Variants in RSBN1L observed in about 807,000 individuals in gnomAD.
The protein encoded by RSBN1L is lysine-specific demethylase RSBN1L.
Under a neutral mutation model 67.7 loss-of-function variants are expected in RSBN1L, and 30 were observed. The observed-to-expected ratio is 0.44, with a 90% confidence interval of 0.33 to 0.60. The LOEUF (loss-of-function observed/expected upper bound fraction) is 0.60. RSBN1L is among the 20% of genes least tolerant of loss of function. The pLI is 0.02. For synonymous variants in RSBN1L, 433 were observed against 387.0 expected, an observed-to-expected ratio of 1.12 and a Z score of -1.39; for missense variants, 992 against 1,031.7, an observed-to-expected ratio of 0.96 and a Z score of 0.53.
At chr7:77,709,505 G>A (rs1365059480) in intron 1 of RSBN1L, among the ~76,000 whole-genome samples, 1 of 152,044 alleles carries the variant, frequency 6.6e-6, no homozygotes, top group African/African-American at 2.4e-5. Flanking sequence ...GGCCAGGCTG[G>A]TCTCAAACTC....
At chr7:77,756,998 C>G (rs374440915) in intron 3 of RSBN1L, among the ~76,000 whole-genome samples, 1 of 152,176 alleles carries the variant, frequency 6.6e-6, no homozygotes, top group Admixed American at 6.5e-5. Flanking sequence ...GAACCCAAAC[C>G]AAGTTCATGA....
chr7:77,731,481 C>T (rs1032053297), intron 1 of RSBN1L, among the ~76,000 whole-genome samples: 13 of 152,198 alleles, frequency 8.5e-5, no homozygotes, highest in Non-Finnish European at 1.6e-4. Flanking sequence ...AGCAGTCCGC[C>T]TGCCTCAGCC....
At chr7:77,719,456 A>C (rs1201852532) in intron 1 of RSBN1L, among the ~76,000 whole-genome samples, 1 of 152,236 alleles carries the variant, frequency 6.6e-6, no homozygotes, top group East Asian at 1.9e-4. Flanking sequence ...ATGTAATTGT[A>C]TAATGTGGAC....
At chr7:77,736,648 A>G (rs1390407790) in intron 2 of RSBN1L, 122 bp downstream of exon 2, 2 of 437,988 alleles carry the variant, frequency 4.6e-6, no homozygotes, top group African/African-American at 2.1e-5. Flanking sequence ...AACAATGATG[A>G]GGAAATGAAA....
chr7:77,731,394 C>T (rs1247942554), intron 1 of RSBN1L, among the ~76,000 whole-genome samples: 6 of 152,166 alleles, frequency 3.9e-5, no homozygotes, highest in Non-Finnish European at 1.5e-5. Context: ...CACCACCGTG[C>T]CCAGCTAATT....
rs1054230974 is a variant in RSBN1L at position 77,778,359 on chromosome 7, C to G, written c.1815C>G (p.Thr605=). The part of the protein sequence containing the change: ...CGEWPDQPRI[T]KDVICFHAED... Reference sequence around the variant, plus strand: ...TTAGGCCTGATCAACCCCGTATAACCAAAGATGTAATTTGTTTTCATGCTG... The same window carrying G: ...TTAGGCCTGATCAACCCCGTATAACGAAAGATGTAATTTGTTTTCATGCTG... Residue 605 remains threonine, a synonymous_variant, in exon 7 of 8, where the codon ACC becomes ACG. Transcript: ENST00000334955. 1.9e-6 allele frequency: 3 copies of G among 1,610,820 alleles called. No individual in the cohort carries two copies. The highest frequency in any genetic ancestry group is 2.5e-6 in the Non-Finnish European group (3 of 1,178,940).
At chr7:77,766,678 CA>C (rs1307565384) in intron 4 of RSBN1L, among the ~76,000 whole-genome samples, 1 of 152,112 alleles carries the variant, frequency 6.6e-6, no homozygotes, top group African/African-American at 2.4e-5. Context: ...CACTGAAATT[CA>C]GGGTCCAGGT....
intron 3 of RSBN1L, among the ~76,000 whole-genome samples, chr7:77,765,014 AAAG>A (rs1044164316): frequency 2.0e-5 from 3 of 152,228 alleles, no homozygotes; most frequent in Non-Finnish European, 4.4e-5. Flanking sequence ...TAAGATCAAA[AAAG>A]AAGAGCATCC....
At chr7:77,733,051 T>A (rs1254666249) in intron 1 of RSBN1L, among the ~76,000 whole-genome samples, 1 of 152,144 alleles carries the variant, frequency 6.6e-6, no homozygotes, top group Non-Finnish European at 1.5e-5. Flanking sequence ...CTGAGCATTT[T>A]GAGGGGCTGA....
At chr7:77,725,768 T>G (rs1218296453) in intron 1 of RSBN1L, among the ~76,000 whole-genome samples, 1 of 152,060 alleles carries the variant, frequency 6.6e-6, no homozygotes, top group African/African-American at 2.4e-5. Flanking sequence ...TTTTGTATTT[T>G]TAGTAGAGAC....
Position 77,718,973 on chromosome 7 carries a change from T to C in RSBN1L, c.587-17437T>C, listed in dbSNP as rs114533562. 1.0e-3 allele frequency among the ~76,000 whole-genome samples: 159 copies of C among 152,348 alleles called. 1 individual carries two copies. Among genetic ancestry groups the C allele is most frequent in the African/African-American group, 3.7e-3 (153 of 41,580 alleles). ...AGATACTGAACTGAGTGAACCCTTC[T>C]CTTTCTCCAAGTTGTTTCAGGACCA... On this transcript the variant is annotated intron_variant, in intron 1 of 7. Coordinates refer to ENST00000334955, the MANE Select transcript of RSBN1L (RefSeq NM_198467.3).
At chr7:77,777,045 T>C (rs1791927846) in intron 6 of RSBN1L, among the ~76,000 whole-genome samples, 1 of 152,006 alleles carries the variant, frequency 6.6e-6, no homozygotes, top group South Asian at 2.1e-4. Flanking sequence ...TAGTAGCTTG[T>C]AGCTCTGTGG....
At chr7:77,744,502 G>A (rs188972417) in intron 2 of RSBN1L, among the ~76,000 whole-genome samples, 1 of 151,902 alleles carries the variant, frequency 6.6e-6, no homozygotes, top group Non-Finnish European at 1.5e-5. Context: ...AGGGGGAGAC[G>A]TCTCACTCTC....
At chr7:77,700,804 A>C (rs1164167609) in intron 1 of RSBN1L, among the ~76,000 whole-genome samples, 1 of 152,080 alleles carries the variant, frequency 6.6e-6, no homozygotes, top group Non-Finnish European at 1.5e-5. Flanking sequence ...TTCTCAGTAC[A>C]ATTTTCCACA....
rs547026086 is a variant in RSBN1L, at chr7:77,715,529, G to C, written c.586+18474G>C. ...TCACCATGTTGGCCAGGAAGGTCTC[G>C]AACTCCTGGCCTCAAGTGATTCGCC... is the stretch of plus-strand genomic sequence containing the variant. On this transcript the variant is annotated intron_variant, in intron 1 of 7. Transcript: ENST00000334955. 2.0e-4 allele frequency among the ~76,000 whole-genome samples: 30 copies of C among 152,146 alleles called. No homozygotes were observed. The East Asian group carries it at 5.6e-3, about 28-fold the overall frequency.
chr7:77,732,566 T>C lies in RSBN1L; in HGVS notation c.587-3844T>C, dbSNP rs557000829. The stretch of plus-strand genomic sequence containing the variant: ...CCAGGTTGGTCTCGAACTCCTGATA[T>C]CAGACAATCCACCTGCCTTGCCCTC... On this transcript the variant is annotated intron_variant, in intron 1 of 7. Transcript: ENST00000334955. Among the ~76,000 whole-genome samples, 129 of 152,276 alleles carry C rather than the reference T, an allele frequency of 8.5e-4. 1 individual carries two copies. The highest frequency in any genetic ancestry group is 2.6e-3 in the African/African-American group (106 of 41,558).
intron 3 of RSBN1L, among the ~76,000 whole-genome samples, chr7:77,757,859 G>T (rs980117903): frequency 6.6e-6 from 1 of 152,174 alleles, no homozygotes. Flanking sequence ...ACAAGCTTCT[G>T]CTTGTGTTGT....
At chr7:77,776,291 A>C (rs1294544269) in intron 6 of RSBN1L, among the ~76,000 whole-genome samples, 1 of 152,218 alleles carries the variant, frequency 6.6e-6, no homozygotes, top group African/African-American at 2.4e-5. Flanking sequence ...CGTATCATAC[A>C]GTTCACCCAT....
chr7:77,759,963 A>AAC (rs1791678017), intron 3 of RSBN1L, among the ~76,000 whole-genome samples: 1 of 152,234 alleles, frequency 6.6e-6, no homozygotes, highest in African/African-American at 2.4e-5. Context: ...CTCTTCAGGG[A>AAC]ACATGTTTTG....
Sources: gnomAD v4.1 joint callset for allele counts (sites outside exome capture counted in the v4.1 genomes callset) on GRCh38, gnomAD v4.1.1 for gene constraint, MANE v1.5 for transcripts, NCBI Gene and HGNC (gene_info 2026-07-23, HGNC 2026-07-21) for gene names.